The following WWOX variants were observed in gnomAD, a reference collection of about 807,000 sequenced individuals.
The protein encoded by WWOX is WW domain-containing oxidoreductase.
WWOX carries 69 observed loss-of-function variants against 46.2 expected under a neutral mutation model. The observed-to-expected ratio is 1.49, with a 90% confidence interval of 1.23 to 1.82. WWOX has a LOEUF of 1.82. WWOX is among the 40% of genes most tolerant of loss of function. The pLI, the probability that WWOX is intolerant of heterozygous loss-of-function variation, is 0.00. For synonymous variants in WWOX, 359 were observed against 202.6 expected (o/e 1.77, Z -6.56); for missense variants, 919 against 542.6 (o/e 1.69, Z -6.89).
chr16:79,097,117 T>C (rs1447527000), intron 8 of WWOX, among the ~76,000 whole-genome samples: 2 of 152,100 alleles, frequency 1.3e-5, no homozygotes, highest in Non-Finnish European at 2.9e-5. Context: ...TCATACCCTG[T>C]AGGTACTCGT....
At chr16:79,019,486 A>G (rs1278817556) in intron 8 of WWOX, among the ~76,000 whole-genome samples, 2 of 152,076 alleles carry the variant, frequency 1.3e-5, no homozygotes, top group African/African-American at 4.8e-5. Context: ...AAAATATGAT[A>G]TTATAATCTT....
At chr16:78,768,647 A>G (rs371033434) in intron 8 of WWOX, among the ~76,000 whole-genome samples, 3 of 151,302 alleles carry the variant, frequency 2.0e-5, no homozygotes, top group African/African-American at 7.3e-5. Flanking sequence ...GATTTCCTTT[A>G]TAATTTTCAG....
intron 8 of WWOX, among the ~76,000 whole-genome samples, chr16:78,592,267 T>G (rs1251701054): frequency 6.6e-5 from 10 of 152,230 alleles, no homozygotes; most frequent in Admixed American, 6.5e-4. Context: ...TCAGATTCTA[T>G]TTCACTAAAT....
chr16:79,099,009 G>A (rs1180948622), intron 8 of WWOX, among the ~76,000 whole-genome samples: 1 of 152,068 alleles, frequency 6.6e-6, no homozygotes, highest in Non-Finnish European at 1.5e-5. Flanking sequence ...ATCTGGGGAG[G>A]GCCTCAGGCT....
At chr16:78,876,042 C>T (rs1376917989) in intron 8 of WWOX, among the ~76,000 whole-genome samples, 1 of 152,158 alleles carries the variant, frequency 6.6e-6, no homozygotes, top group African/African-American at 2.4e-5. Context: ...CTCCATGGTA[C>T]TATATACACT....
chr16:79,027,800 C>T (rs893987439), intron 8 of WWOX, among the ~76,000 whole-genome samples: 6 of 151,640 alleles, frequency 4.0e-5, no homozygotes, highest in Admixed American at 6.6e-5. Flanking sequence ...AAGCATTTCT[C>T]GGGATGGTTT....
chr16:78,216,334 A>G (rs2036720035), intron 5 of WWOX, among the ~76,000 whole-genome samples: 2 of 152,318 alleles, frequency 1.3e-5, no homozygotes, highest in South Asian at 4.1e-4. Context: ...GGACTGATGG[A>G]TGCGTTACAG....
intron 8 of WWOX, among the ~76,000 whole-genome samples, chr16:78,865,988 A>G (rs115822259): frequency 4.6e-5 from 7 of 152,348 alleles, no homozygotes; most frequent in East Asian, 1.9e-4. Context: ...AGGTGATCAC[A>G]TACTACGCAG....
chr16:79,101,344 G>T (rs568594882), intron 8 of WWOX: 2 of 152,132 alleles, frequency 1.3e-5, no homozygotes, highest in Admixed American at 6.5e-5. Flanking sequence ...ACACAAGATC[G>T]TTCGCAGGTT....
chr16:78,310,061 C>T (rs143901068), intron 5 of WWOX, among the ~76,000 whole-genome samples: 1 of 152,024 alleles, frequency 6.6e-6, no homozygotes, highest in Non-Finnish European at 1.5e-5. Context: ...CTCCTTCCCC[C>T]TCCTTCCCCC....
At chr16:78,562,199 C>A (rs752691745) in intron 8 of WWOX, among the ~76,000 whole-genome samples, 1 of 152,268 alleles carries the variant, frequency 6.6e-6, no homozygotes, top group South Asian at 2.1e-4. Context: ...TGGTGGAGTG[C>A]CTTTTGGGCA....
chr16:78,758,058 T>C (rs1238422580), intron 8 of WWOX, among the ~76,000 whole-genome samples: 1 of 152,156 alleles, frequency 6.6e-6, no homozygotes, highest in African/African-American at 2.4e-5. Flanking sequence ...GCCCCTATTA[T>C]TATTAATATT....
chr16:78,932,991 C>T (rs1252139350), intron 8 of WWOX, among the ~76,000 whole-genome samples: 1 of 152,318 alleles, frequency 6.6e-6, no homozygotes, highest in East Asian at 1.9e-4. Context: ...ACGTCCTGTC[C>T]ATACCTTGGG....
chr16:78,749,382 C>G (rs138357607), intron 8 of WWOX, among the ~76,000 whole-genome samples: 18 of 151,996 alleles, frequency 1.2e-4, no homozygotes, highest in African/African-American at 4.1e-4. Flanking sequence ...TTGAATACAG[C>G]CTTTTGCATT....
chr16:78,296,514 ATATTAT>A (rs921260099), intron 5 of WWOX, among the ~76,000 whole-genome samples: 4 of 150,474 alleles, frequency 2.7e-5, no homozygotes, highest in Non-Finnish European at 4.4e-5. Flanking sequence ...ATATGTATAT[ATATTAT>A]TATTATTATT....
chr16:78,589,731 G>A (rs1042666329), intron 8 of WWOX, among the ~76,000 whole-genome samples: 1 of 152,188 alleles, frequency 6.6e-6, no homozygotes, highest in Non-Finnish European at 1.5e-5. Context: ...TACAGTGTGC[G>A]ACTGTTTACC....
chr16:79,001,328 G>C, intron 8 of WWOX, among the ~76,000 whole-genome samples: 1 of 151,842 alleles, frequency 6.6e-6, no homozygotes, highest in East Asian at 1.9e-4. Flanking sequence ...ATTCTCAGCA[G>C]GAGAGTCAGG....
intron 5 of WWOX, among the ~76,000 whole-genome samples, chr16:78,191,627 A>G (rs2035886344): frequency 6.6e-6 from 1 of 152,064 alleles, no homozygotes; most frequent in African/African-American, 2.4e-5. Context: ...TTGCTGTTTT[A>G]TAGCTCCAGT....
At chr16:78,941,005 G>A (rs977666564) in intron 8 of WWOX, among the ~76,000 whole-genome samples, 4 of 151,940 alleles carry the variant, frequency 2.6e-5, no homozygotes, top group East Asian at 3.9e-4. Flanking sequence ...GTGTTGGGAT[G>A]TATATATCAC....
Sources: allele counts gnomAD v4.1 joint callset (sites outside exome capture counted in the v4.1 genomes callset), GRCh38; gene constraint gnomAD v4.1.1; transcripts MANE v1.5; gene names NCBI Gene and HGNC (gene_info 2026-07-23, HGNC 2026-07-21).